Variants in TASP1 observed in about 807,000 individuals in gnomAD.
TASP1 encodes taspase 1, also known as threonine aspartase 1.
A neutral mutation model predicts 56.6 loss-of-function variants in TASP1; 16 were observed. That is an observed-to-expected ratio of 0.28 (90% CI 0.19 to 0.43). TASP1 has a LOEUF of 0.43. Among genes scored for constraint, TASP1 ranks in the 20% least tolerant of loss-of-function variants. The pLI, the probability that TASP1 is intolerant of heterozygous loss-of-function variation, is 1.00. For synonymous variants in TASP1, 179 were observed against 184.2 expected (o/e 0.97, Z 0.23); for missense variants, 393 against 511.6 (o/e 0.77, Z 2.24).
At chr20:13,307,918 G>A in the TASP1 span, among the ~76,000 whole-genome samples, 5 of 152,202 alleles carry the variant, frequency 3.3e-5, no homozygotes, top group African/African-American at 7.2e-5. Context: ...TTGGGTGTGC[G>A]TATTCACACA....
intron 11 of TASP1, among the ~76,000 whole-genome samples, chr20:13,453,794 G>C (rs1422684681): frequency 6.6e-6 from 1 of 151,996 alleles, no homozygotes; most frequent in East Asian, 1.9e-4. Flanking sequence ...GGCTAAGCAA[G>C]CAAATACACA....
the TASP1 span, among the ~76,000 whole-genome samples, chr20:13,342,996 C>T: frequency 6.6e-6 from 1 of 152,178 alleles, no homozygotes; most frequent in Non-Finnish European, 1.5e-5. Context: ...ATGTACTTTG[C>T]TGACTGAGCC....
chr20:13,309,142 A>G, the TASP1 span, among the ~76,000 whole-genome samples: 2 of 152,228 alleles, frequency 1.3e-5, no homozygotes, highest in African/African-American at 2.4e-5. Flanking sequence ...GCTACATTAT[A>G]TCTGGACACC....
At chr20:13,579,572 C>T (rs1350307001) in intron 6 of TASP1, among the ~76,000 whole-genome samples, 1 of 151,988 alleles carries the variant, frequency 6.6e-6, no homozygotes, top group Non-Finnish European at 1.5e-5. Flanking sequence ...ACCGTGGTCT[C>T]GATCTCCTGA....
At position 13,500,058 on chromosome 20, in the gene TASP1, C is replaced by T. The variant is rs192378774; in HGVS notation, c.875-16721G>A. Among the ~76,000 whole-genome samples the T allele has an allele frequency of 3.5e-3, 532 of 151,544 alleles. 3 individuals are homozygous for T. The highest frequency in any genetic ancestry group is 6.1e-3 in the Non-Finnish European group (412 of 67,850). ...GTTCACAATTTGAGTGATGGATACA[C>T]TAGAAGCCCAAACCTCACTATTATG... On this transcript the variant is annotated intron_variant, in intron 10 of 13. Transcript: ENST00000337743.
chr20:13,372,564 C>T, the TASP1 span, among the ~76,000 whole-genome samples: 3 of 150,782 alleles, frequency 2.0e-5, no homozygotes, highest in African/African-American at 7.3e-5. Flanking sequence ...TATATATATA[C>T]ATATATATGT....
chr20:13,342,165 A>G, the TASP1 span, among the ~76,000 whole-genome samples: 1 of 152,158 alleles, frequency 6.6e-6, no homozygotes, highest in Non-Finnish European at 1.5e-5. Flanking sequence ...CGATTAGGCT[A>G]CTCAGCCAGT....
intron 10 of TASP1, among the ~76,000 whole-genome samples, chr20:13,488,246 G>T (rs1209139143): frequency 6.6e-6 from 1 of 152,000 alleles, no homozygotes; most frequent in Non-Finnish European, 1.5e-5. Flanking sequence ...ATCCTTAATT[G>T]TAACAGTTTG....
the TASP1 span, among the ~76,000 whole-genome samples, chr20:13,145,513 C>T: frequency 6.6e-6 from 1 of 152,110 alleles, no homozygotes; most frequent in Non-Finnish European, 1.5e-5. Flanking sequence ...GAAAAATATT[C>T]CATGTTCATG....
the TASP1 span, chr20:13,245,447 G>A: frequency 7.2e-5 from 11 of 152,308 alleles, no homozygotes; most frequent in African/African-American, 2.6e-4. Context: ...CATCATGTTT[G>A]CCATACCCTA....
At chr20:13,615,502 GTTTTTT>G (rs756677945) in intron 4 of TASP1, among the ~76,000 whole-genome samples, 1 of 132,214 alleles carries the variant, frequency 7.6e-6, no homozygotes, top group African/African-American at 2.7e-5. Flanking sequence ...TGAGAATCTG[GTTTTTT>G]TTTTTTTTTT....
chr20:13,281,311 G>T, the TASP1 span, among the ~76,000 whole-genome samples: 12 of 152,160 alleles, frequency 7.9e-5, no homozygotes, highest in Non-Finnish European at 4.4e-5. Flanking sequence ...AACTGAAAGA[G>T]AACTCTAGAA....
intron 12 of TASP1, among the ~76,000 whole-genome samples, chr20:13,423,887 T>C (rs1303133203): frequency 6.6e-6 from 1 of 152,230 alleles, no homozygotes; most frequent in African/African-American, 2.4e-5. Context: ...ATATTTTAAT[T>C]GTCCCTCATT....
At chr20:13,636,823 A>C (rs2049328609) in intron 1 of TASP1, among the ~76,000 whole-genome samples, 1 of 152,224 alleles carries the variant, frequency 6.6e-6, no homozygotes, top group Non-Finnish European at 1.5e-5. Flanking sequence ...GCCACATGCA[A>C]TAGAATGAAA....
intron 13 of TASP1, 54 bp downstream of exon 13, chr20:13,417,394 G>A: frequency 3.1e-6 from 5 of 1,597,184 alleles, no homozygotes; most frequent in Non-Finnish European, 4.3e-6. Flanking sequence ...GCTGGTTAGA[G>A]GTTTATGCGA....
the TASP1 span, among the ~76,000 whole-genome samples, chr20:13,348,286 A>G: frequency 6.6e-6 from 1 of 152,238 alleles, no homozygotes; most frequent in Non-Finnish European, 1.5e-5. Context: ...TAAAAAGGAA[A>G]ACAATAAAAG....
chr20:13,228,747 C>A, the TASP1 span, among the ~76,000 whole-genome samples: 854 of 152,192 alleles, frequency 5.6e-3, 8 homozygotes, highest in African/African-American at 0.018. Flanking sequence ...TATCCCTGTA[C>A]TCTTTTTCTG....
At chr20:13,294,246 T>C in the TASP1 span, among the ~76,000 whole-genome samples, 7 of 152,218 alleles carry the variant, frequency 4.6e-5, no homozygotes, top group African/African-American at 1.7e-4. Flanking sequence ...GAAATGTCTA[T>C]GAGCCAAATT....
At chr20:13,157,437 C>CA in the TASP1 span, among the ~76,000 whole-genome samples, 16 of 148,904 alleles carry the variant, frequency 1.1e-4, no homozygotes, top group East Asian at 9.8e-4. Context: ...AACTCCATGT[C>CA]AAAAAAAAAA....
Sources: allele counts gnomAD v4.1 joint callset (sites outside exome capture counted in the v4.1 genomes callset), GRCh38; gene constraint gnomAD v4.1.1; transcripts MANE v1.5; gene names NCBI Gene and HGNC (gene_info 2026-07-23, HGNC 2026-07-21).